GRIK1: variants seen among roughly 807,000 people sequenced by gnomAD.
GRIK1 encodes glutamate receptor ionotropic, kainate 1.
Under a neutral mutation model 105.7 loss-of-function variants are expected in GRIK1, and 69 were observed. The observed-to-expected ratio is 0.65, with a 90% CI of 0.54 to 0.80. GRIK1 has a LOEUF of 0.80. GRIK1 is among the 30% of genes least tolerant of loss of function. The pLI is 0.00. For missense variants in GRIK1, 1,109 were observed against 1,167.3 expected (o/e 0.95, Z 0.73); for synonymous variants, 438 against 431.3 (o/e 1.02, Z -0.19).
chr21:29,846,452 G>GAGAGAGAGAAA lies in GRIK1; in HGVS notation c.118+92930_118+92931insTTTCTCTCTCT, dbSNP rs1472713302. On this transcript the variant is annotated intron_variant, in intron 1 of 17. Transcript: ENST00000327783. Reference sequence around the variant, plus strand: ...AATAAAGAAGGAAAGAAGGAAAGAAGGAAAGAGAGAGAGAAAGAAAGAAAG... The same window carrying GAGAGAGAGAAA: ...AATAAAGAAGGAAAGAAGGAAAGAAGAGAGAGAGAAAGAAAGAGAGAGAGAAAGAAAGAAAG... 2.4e-3 allele frequency among the ~76,000 whole-genome samples: 273 copies of GAGAGAGAGAAA among 114,392 alleles called. 2 individuals carry two copies. Among genetic ancestry groups the GAGAGAGAGAAA allele is most frequent in the East Asian group, 5.5e-3 (22 of 4,028 alleles). The allele number at this position is 114,392 out of a possible 152,430, so 75.0% of individuals were successfully genotyped here.
chr21:29,762,721 TG>T (rs1227204365), intron 1 of GRIK1, among the ~76,000 whole-genome samples: 1 of 152,194 alleles, frequency 6.6e-6, no homozygotes, highest in Non-Finnish European at 1.5e-5. Flanking sequence ...GTATTCAAAT[TG>T]GGAGCCTCTA....
At chr21:29,756,902 T>A (rs1430261929) in intron 1 of GRIK1, among the ~76,000 whole-genome samples, 2 of 152,030 alleles carry the variant, frequency 1.3e-5, no homozygotes, top group Non-Finnish European at 2.9e-5. Context: ...TCGTCTGAGC[T>A]CAGGAATTGC....
At chr21:29,661,434 A>G (rs2062959481) in intron 4 of GRIK1, among the ~76,000 whole-genome samples, 1 of 152,200 alleles carries the variant, frequency 6.6e-6, no homozygotes, top group East Asian at 1.9e-4. Flanking sequence ...TGAAAACAGC[A>G]GGGTCTTAAG....
At chr21:29,917,909 A>G (rs983175906) in intron 1 of GRIK1, among the ~76,000 whole-genome samples, 2 of 152,086 alleles carry the variant, frequency 1.3e-5, no homozygotes, top group Non-Finnish European at 2.9e-5. Context: ...ATTTCTGTTA[A>G]AAAATAAAAT....
At chr21:29,741,479 C>G (rs985457891) in intron 1 of GRIK1, among the ~76,000 whole-genome samples, 3 of 152,064 alleles carry the variant, frequency 2.0e-5, no homozygotes, top group Admixed American at 1.3e-4. Context: ...TATTTAGTAT[C>G]TTATCAGCCA....
chr21:29,751,303 G>A (rs997384208), intron 1 of GRIK1, among the ~76,000 whole-genome samples: 7 of 152,086 alleles, frequency 4.6e-5, no homozygotes, highest in Non-Finnish European at 1.0e-4. Context: ...AGATAGATAG[G>A]TTTTAAATAA....
Position 29,668,550 on chromosome 21 carries a change from C to T in GRIK1, c.726+4433G>A, listed in dbSNP as rs1222822838. ...AAAGAGGCCAGGTCAGGTCATGCGG[C>T]CTTGGTGTTTTCTATTTAAGTGTAT... On this transcript the variant is annotated intron_variant, in intron 4 of 17. Coordinates refer to ENST00000327783, the MANE Select transcript of GRIK1 (RefSeq NM_001330994.2). Among the ~76,000 whole-genome samples, 5 of 152,198 alleles carry T rather than the reference C, an allele frequency of 3.3e-5. No individual in the cohort carries two copies. The South Asian group carries it at 8.3e-4, about 25-fold the overall frequency.
At chr21:29,765,456 A>G (rs1438414051) in intron 1 of GRIK1, among the ~76,000 whole-genome samples, 1 of 152,060 alleles carries the variant, frequency 6.6e-6, no homozygotes, top group Non-Finnish European at 1.5e-5. Flanking sequence ...TCCGTGCTCC[A>G]CAGACATGGC....
chr21:29,620,095 T>G, intron 7 of GRIK1, among the ~76,000 whole-genome samples: 1 of 152,192 alleles, frequency 6.6e-6, no homozygotes. Context: ...TATAAAGATG[T>G]GCGTGTATAA....
intron 14 of GRIK1, among the ~76,000 whole-genome samples, chr21:29,570,563 A>G (rs1395359172): frequency 6.6e-6 from 1 of 152,060 alleles, no homozygotes; most frequent in Non-Finnish European, 1.5e-5. Flanking sequence ...TAATACACTG[A>G]CCCATAAACA....
chr21:29,580,029 ATATATGTG>A (rs1358400960), intron 13 of GRIK1, among the ~76,000 whole-genome samples: 1 of 141,678 alleles, frequency 7.1e-6, no homozygotes, highest in African/African-American at 2.7e-5. Flanking sequence ...GTATATATGT[ATATATGTG>A]TATATATGTA....
chr21:29,640,239 T>C (rs2062484787), intron 7 of GRIK1, among the ~76,000 whole-genome samples: 1 of 152,092 alleles, frequency 6.6e-6, no homozygotes, highest in Non-Finnish European at 1.5e-5. Context: ...ACCTGATACT[T>C]GCAAAATTTT....
At chr21:29,565,436 CT>C (rs2090589937) in intron 14 of GRIK1, among the ~76,000 whole-genome samples, 1 of 152,030 alleles carries the variant, frequency 6.6e-6, no homozygotes, top group African/African-American at 2.4e-5. Context: ...AGTGAGCTTT[CT>C]TTTTTATTTT....
intron 1 of GRIK1, among the ~76,000 whole-genome samples, chr21:29,704,744 C>G (rs2063872693): frequency 6.6e-6 from 1 of 152,148 alleles, no homozygotes; most frequent in African/African-American, 2.4e-5. Context: ...GCAGTGATTT[C>G]TCACTCTCTC....
chr21:29,677,070 A>G (rs1026533213), intron 3 of GRIK1, among the ~76,000 whole-genome samples: 1 of 152,190 alleles, frequency 6.6e-6, no homozygotes, highest in Non-Finnish European at 1.5e-5. Context: ...AAAGGTCAAG[A>G]TATCTGCAGC....
At chr21:29,849,571 T>G (rs143004508) in intron 1 of GRIK1, among the ~76,000 whole-genome samples, 5 of 152,274 alleles carry the variant, frequency 3.3e-5, no homozygotes, top group Admixed American at 1.3e-4. Flanking sequence ...TGTAGAGTGA[T>G]GTCAGGAAGG....
chr21:29,776,590 T>C (rs2065949347), intron 1 of GRIK1, among the ~76,000 whole-genome samples: 1 of 152,158 alleles, frequency 6.6e-6, no homozygotes, highest in African/African-American at 2.4e-5. Context: ...GTTTCCAGTG[T>C]GGAACAAGTG....
At chr21:29,806,499 T>G (rs1315713079) in intron 1 of GRIK1, among the ~76,000 whole-genome samples, 1 of 152,162 alleles carries the variant, frequency 6.6e-6, no homozygotes, top group South Asian at 2.1e-4. Flanking sequence ...TTTTAAAACG[T>G]AATGTCATTT....
chr21:29,729,826 T>C (rs538112142), intron 1 of GRIK1, among the ~76,000 whole-genome samples: 2 of 152,332 alleles, frequency 1.3e-5, no homozygotes, highest in Non-Finnish European at 2.9e-5. Flanking sequence ...GTTTTCATCC[T>C]AAACTTAAAA....
Sources: gnomAD v4.1 joint callset for allele counts (sites outside exome capture counted in the v4.1 genomes callset) on GRCh38, gnomAD v4.1.1 for gene constraint, MANE v1.5 for transcripts, NCBI Gene and HGNC (gene_info 2026-07-23, HGNC 2026-07-21) for gene names.